Variants in F10 observed in about 807,000 individuals in gnomAD.
F10 encodes Stuart-Prower factor.
Under a neutral mutation model 37.1 loss-of-function variants are expected in F10, and 29 were observed. That is an observed-to-expected ratio of 0.78 (90% CI 0.58 to 1.07). The LOEUF is 1.07. Among genes scored for constraint, F10 ranks in the 50% least tolerant of loss-of-function variants. F10 has a pLI of 0.00. For synonymous variants in F10, 262 were observed against 268.6 expected, an observed-to-expected ratio of 0.98 and a Z score of 0.24; for missense variants, 539 against 667.9, an observed-to-expected ratio of 0.81 and a Z score of 2.13.
At chr13:113,138,377 G>C (rs2036498165) in intron 2 of F10, 80 bp from the exon 3 acceptor site, 1 of 732,490 alleles carries the variant, frequency 1.4e-6, no homozygotes, top group Non-Finnish European at 2.4e-6. Flanking sequence ...TTCAGCTTGA[G>C]TCACTTAATT....
At chr13:113,128,886 G>GAAAATAAAAAA (rs2036396848) in intron 1 of F10, 1 of 44,818 alleles carries the variant, frequency 2.2e-5, no homozygotes, top group Non-Finnish European at 4.5e-5. Flanking sequence ...ATCTTAAAGA[G>GAAAATAAAAAA]AAAAAAAAAA....
chr13:113,129,716 G>A, intron 2 of F10, 104 bp downstream of exon 2: 4 of 1,487,468 alleles, frequency 2.7e-6, no homozygotes, highest in Admixed American at 3.4e-5. Flanking sequence ...GGAGGAAGGG[G>A]CAGCGTGCGC....
rs985208089 is a variant in F10 at position 113,144,331 on chromosome 13, C to T, written c.747+236C>T. The T allele has an allele frequency of 8.0e-5, 49 of 612,696 alleles. No homozygotes were observed. The highest frequency in any genetic ancestry group is 1.3e-4 in the Non-Finnish European group (45 of 350,612). 38.0% of individuals were successfully genotyped at this position (612,696 alleles called of 1,614,324 possible). On this transcript the variant is annotated intron_variant, in intron 6 of 7. Transcript: ENST00000375559. This position sits in a 1 kb window ranked among gnomAD's most constrained non-coding sequence, Gnocchi z 6.4. ...TGAGGGAGAGGCTGGGCCCAGGCAA[C>T]GCCCCCCTCAGCCCCTTCCCACTGG...
Position 113,136,912 on chromosome 13 carries a change from A to C in F10, c.232-1545A>C, listed in dbSNP as rs74546075. ...TGATCCGCCCGCCTCGGCCTCCCAA[A>C]GTGCTGGGATTACAGGCGTGAGCCA... On this transcript the variant is annotated intron_variant, in intron 2 of 7. Transcript: ENST00000375559. Among the ~76,000 whole-genome samples the C allele has an allele frequency of 1.8e-4, 3 of 16,482 alleles. 1 individual carries two copies. The East Asian group carries it at 0.012, about 67-fold the overall frequency. 10.8% of individuals were successfully genotyped at this position (16,482 alleles called of 152,430 possible). A position where few individuals can be genotyped will look rare whatever the true frequency, so the allele number is the denominator to read the frequency against.
At position 113,139,546 on chromosome 13, in the gene F10, A is replaced by G. The variant is rs2036508794; in HGVS notation, c.370+76A>G. 2.8e-6 allele frequency: 3 copies of G among 1,087,856 alleles called. No homozygotes were observed. The highest frequency in any genetic ancestry group is 1.3e-5 in the South Asian group (1 of 78,126). 67.4% of individuals were successfully genotyped at this position (1,087,856 alleles called of 1,614,324 possible). A position where few individuals can be genotyped will look rare whatever the true frequency, so the allele number is the denominator to read the frequency against. ...GCAGGTGGGCGGGGGAAGAAGTGAA[A>G]ACGCCTAATGAAACAATCTTAAGTC... On this transcript the variant is annotated intron_variant, in intron 4 of 7. Transcript: ENST00000375559. The surrounding 1 kb of genome is among the most constrained non-coding windows in gnomAD (Gnocchi z 5.2).
Position 113,141,403 on chromosome 13 carries a change from G to A in F10, c.502+353G>A, listed in dbSNP as rs1459288720. The stretch of plus-strand genomic sequence containing the variant: ...CCCTCAGTCTGCATTGGGACTGTGG[G>A]GGGATCCAGTGCAAGGGCTCAAAGC... On this transcript the variant is annotated intron_variant, in intron 5 of 7. Transcript: ENST00000375559. The surrounding 1 kb of genome is among the most constrained non-coding windows in gnomAD (Gnocchi z 5.4). Among the ~76,000 whole-genome samples, 3 of 152,198 alleles carry A rather than the reference G, an allele frequency of 2.0e-5. No individual in the cohort carries two copies. Among genetic ancestry groups the A allele is most frequent in the South Asian group, 2.1e-4 (1 of 4,826 alleles).
Position 113,139,453 on chromosome 13 carries a change from G to A in F10, c.353G>A (p.Gly118Asp). 6.2e-7 allele frequency: 1 copy of A among 1,613,840 alleles called. No individual in the cohort carries two copies. The highest frequency in any genetic ancestry group is 1.1e-5 in the South Asian group (1 of 91,074). Residue 118 changes from glycine (G) to aspartate (D), a missense_variant, in exon 4 of 8, where the codon GGC (glycine) becomes GAC (aspartate). Transcript: ENST00000375559. This position sits in a 1 kb window ranked among gnomAD's most constrained non-coding sequence, Gnocchi z 5.2. ...YTCTCLEGFEGKNCELFTRKL... is the reference protein window; with the variant it reads ...YTCTCLEGFEDKNCELFTRKL... ...TGCACCTGTTTAGAAGGATTCGAAG[G>A]CAAAAACTGTGAATTATGTAGGTTC...
chr13:113,131,646 G>T (rs2036435248), intron 2 of F10: 1 of 152,242 alleles, frequency 6.6e-6, no homozygotes, highest in Admixed American at 6.5e-5. Flanking sequence ...TTGTCAAGGA[G>T]TTCCTGAAAG....
chr13:113,148,904 C>T lies in F10; in HGVS notation c.866-12C>T, dbSNP rs375585348. 1.7e-5 allele frequency: 28 copies of T among 1,612,304 alleles called. No homozygotes were observed. Among genetic ancestry groups the T allele is most frequent in the African/African-American group, 9.3e-5 (7 of 74,900 alleles). On this transcript the variant is annotated splice_polypyrimidine_tract_variant and intron_variant, in intron 7 of 7. Coordinates refer to ENST00000375559, the MANE Select transcript of F10 (RefSeq NM_000504.4). ...TGGCTGAGCTGAGCACAGTCCCACT[C>T]GTCTGTCCCAGGGGACCGGAACACG...
At chr13:113,136,535 A>G (rs192225224) in intron 2 of F10, among the ~76,000 whole-genome samples, 26 of 150,690 alleles carry the variant, frequency 1.7e-4, no homozygotes, top group African/African-American at 5.9e-4. Context: ...TCGGCTCACT[A>G]CAACCTCCTC....
chr13:113,125,242 C>T (rs1417673137), intron 1 of F10, among the ~76,000 whole-genome samples: 1 of 152,230 alleles, frequency 6.6e-6, no homozygotes, highest in Non-Finnish European at 1.5e-5. Context: ...GCAGTGCCAG[C>T]CTTTAAACTA....
chr13:113,143,726 TGCCCCTCCG>T lies in F10; in HGVS notation c.503-123_503-115del. On this transcript the variant is annotated intron_variant, in intron 5 of 7. Transcript: ENST00000375559. The surrounding 1 kb of genome is among the most constrained non-coding windows in gnomAD (Gnocchi z 6.8). ...GTGGGGCCTCGCCCTGCAAGCCCGC[TGCCCCTCCG>T]GGTGCCCCTGCGCTCTGCCTCCCGG... The T allele has an allele frequency of 4.2e-6, 6 of 1,423,458 alleles. No homozygotes were observed. Among genetic ancestry groups the T allele is most frequent in the South Asian group, 2.6e-5 (2 of 77,322 alleles). 88.2% of individuals were successfully genotyped at this position (1,423,458 alleles called of 1,614,324 possible).
At chr13:113,134,711 CAT>C (rs1453909556) in intron 2 of F10, among the ~76,000 whole-genome samples, 4 of 152,200 alleles carry the variant, frequency 2.6e-5, no homozygotes, top group African/African-American at 4.8e-5. Flanking sequence ...AAGGTCAGCA[CAT>C]GTGTTAATCA....
intron 1 of F10, among the ~76,000 whole-genome samples, chr13:113,123,761 G>A (rs1041875145): frequency 8.5e-5 from 13 of 152,120 alleles, no homozygotes; most frequent in African/African-American, 2.2e-4. Flanking sequence ...CGGCCCCTCC[G>A]CCTGGTGACT....
chr13:113,127,701 T>C (rs1267735484), intron 1 of F10, among the ~76,000 whole-genome samples: 1 of 152,220 alleles, frequency 6.6e-6, no homozygotes, highest in Non-Finnish European at 1.5e-5. Context: ...AAGTACTGTA[T>C]TTTAGGAAAT....
intron 1 of F10, among the ~76,000 whole-genome samples, chr13:113,124,564 G>A (rs2036352569): frequency 1.3e-5 from 2 of 152,222 alleles, no homozygotes; most frequent in Non-Finnish European, 2.9e-5. Flanking sequence ...CTGTGGGGTG[G>A]GTGGGGCTGA....
intron 2 of F10, among the ~76,000 whole-genome samples, chr13:113,136,525 T>C (rs935754251): frequency 4.6e-5 from 7 of 151,726 alleles, no homozygotes; most frequent in Admixed American, 1.3e-4. Flanking sequence ...TGGCACAATC[T>C]CGGCTCACTA....
In F10 at chr13:113,140,972, G is replaced by A. The variant is rs61753266; in HGVS notation, c.424G>A (p.Glu142Lys). The A allele has an allele frequency of 3.8e-3, 6,066 of 1,614,142 alleles. 22 individuals carry two copies. Among genetic ancestry groups the A allele is most frequent in the Middle Eastern group, 4.6e-3 (28 of 6,062 alleles). The change falls in exon 5 of 8, where the codon GAG becomes AAG. Residue 142 changes from glutamate to lysine, a missense_variant. Around this residue, in one of 2 missense-constraint regions of F10, gnomAD observed 409 missense variants for 547.9 expected, o/e 0.75. Transcript: ENST00000375559. Reference protein sequence around the residue: ...DNGDCDQFCHEEQNSVVCSCA... With the variant: ...DNGDCDQFCHKEQNSVVCSCA... ...CGGGGACTGTGACCAGTTCTGCCAC[G>A]AGGAACAGAACTCTGTGGTGTGCTC...
In F10 at chr13:113,147,473, C is replaced by A; in HGVS notation, c.842C>A (p.Ala281Asp). 1 of 1,613,218 alleles carries A rather than the reference C, an allele frequency of 6.2e-7. No homozygotes were observed. The highest frequency in any genetic ancestry group is 8.5e-7 in the Non-Finnish European group (1 of 1,179,130). Residue 281 changes from alanine to aspartate, a missense_variant, in exon 7 of 8, where the codon GCC becomes GAC. By Grantham distance (126) the Ala-to-Asp change is moderately radical (BLOSUM62 -2). Coordinates refer to ENST00000375559, the MANE Select transcript of F10 (RefSeq NM_000504.4). ...ACGGCAGCCCACTGTCTCTACCAAG[C>A]CAAGAGATTCAAGGTGAGGGTAGGT... ...ILTAAHCLYQAKRFKVRVGDR... is the reference protein window; with the variant it reads ...ILTAAHCLYQDKRFKVRVGDR...
Sources: allele counts gnomAD v4.1 joint callset (sites outside exome capture counted in the v4.1 genomes callset), GRCh38; gene constraint gnomAD v4.1.1; regional missense constraint gnomAD v4.1.1; non-coding constraint Gnocchi (gnomAD v3.1); transcripts MANE v1.5; gene names NCBI Gene and HGNC (gene_info 2026-07-23, HGNC 2026-07-21).